The following TACR3 variants were observed in gnomAD, a reference collection of about 807,000 sequenced individuals.
TACR3 encodes tachykinin receptor 3.
TACR3 carries 34 observed loss-of-function variants against 35.0 expected under a neutral mutation model. The observed-to-expected ratio is 0.97, with a 90% confidence interval of 0.74 to 1.30. TACR3 has a LOEUF of 1.30. Among genes scored for constraint, TACR3 ranks in the 50% most tolerant of loss-of-function variants. The pLI is 0.00. For synonymous variants in TACR3, 233 were observed against 221.1 expected (o/e 1.05, Z -0.48); for missense variants, 558 against 591.7 (o/e 0.94, Z 0.59).
chr4:103,609,280 A>T (rs1724461068), intron 3 of TACR3, among the ~76,000 whole-genome samples: 2 of 152,164 alleles, frequency 1.3e-5, no homozygotes, highest in Non-Finnish European at 1.5e-5. Flanking sequence ...ATGTTTTTGT[A>T]GGATGTAATA....
intron 1 of TACR3, among the ~76,000 whole-genome samples, chr4:103,691,920 C>T (rs1014545171): frequency 2.0e-5 from 3 of 152,130 alleles, no homozygotes; most frequent in East Asian, 1.9e-4. Flanking sequence ...TAATGACTGG[C>T]TTGCTGTTAA....
At chr4:103,645,959 G>A (rs946016008) in intron 3 of TACR3, among the ~76,000 whole-genome samples, 7 of 151,992 alleles carry the variant, frequency 4.6e-5, no homozygotes, top group Non-Finnish European at 7.4e-5. Flanking sequence ...CTAGTTAGCT[G>A]TGGGGCCAAG....
At chr4:103,675,439 GA>G (rs1297977604) in intron 1 of TACR3, among the ~76,000 whole-genome samples, 1 of 152,154 alleles carries the variant, frequency 6.6e-6, no homozygotes, top group Non-Finnish European at 1.5e-5. Flanking sequence ...GAGCTCCAAG[GA>G]AAATAGATGA....
intron 4 of TACR3, chr4:103,591,203 G>T: frequency 6.8e-6 from 3 of 440,496 alleles, no homozygotes; most frequent in Non-Finnish European, 1.2e-5. Context: ...TTTTTCTTTG[G>T]CAGGTAAAAT....
chr4:103,683,538 T>G (rs968103897), intron 1 of TACR3, among the ~76,000 whole-genome samples: 1 of 137,842 alleles, frequency 7.3e-6, no homozygotes, highest in Admixed American at 7.2e-5. Flanking sequence ...AAAAAATAAG[T>G]GATACTACTA....
rs13127843 is a variant in TACR3 at position 103,650,017 on chromosome 4, G to A, written c.888+6177C>T. 6.1e-3 allele frequency among the ~76,000 whole-genome samples: 934 copies of A among 152,128 alleles called. 6 individuals carry two copies. Among genetic ancestry groups the A allele is most frequent in the Middle Eastern group, 0.044 (13 of 294 alleles). ...TTTCTAGATATTCAAAAGGACTTGG[G>A]TATTGTGATCTAGGCCACATCTGCA... On this transcript the variant is annotated intron_variant, in intron 3 of 4. Coordinates refer to ENST00000304883, the MANE Select transcript of TACR3 (RefSeq NM_001059.3).
intron 3 of TACR3, among the ~76,000 whole-genome samples, chr4:103,618,503 T>A (rs1461822048): frequency 6.6e-6 from 1 of 151,014 alleles, no homozygotes; most frequent in East Asian, 1.9e-4. Context: ...TAGTTTGAAG[T>A]CGGGTGGTAT....
chr4:103,597,158 T>C (rs9683814), intron 3 of TACR3, among the ~76,000 whole-genome samples: 1 of 138,572 alleles, frequency 7.2e-6, no homozygotes, highest in South Asian at 2.3e-4. Flanking sequence ...CTAGTTCTAG[T>C]TCCCTGAGGA....
intron 1 of TACR3, among the ~76,000 whole-genome samples, chr4:103,690,483 C>T (rs757002164): frequency 2.0e-5 from 3 of 151,942 alleles, no homozygotes; most frequent in East Asian, 1.9e-4. Flanking sequence ...CTTCAATATA[C>T]GTCAATATGC....
intron 3 of TACR3, among the ~76,000 whole-genome samples, chr4:103,654,591 A>G (rs964144272): frequency 1.6e-4 from 24 of 150,284 alleles, no homozygotes; most frequent in African/African-American, 5.6e-4. Context: ...GATATACCTA[A>G]TGCTAAATGA....
Position 103,719,572 on chromosome 4 carries a change from C to G in TACR3, c.104G>C (p.Gly35Ala), listed in dbSNP as rs747807151. ...TTGCAGCCACCCAGTCTCAACTGCC[C>G]CCGTGGCCGCCCCGGCAGCTAGCGA... ...TASLAAGAAT[G>A]AVETGWLQLL... Residue 35 changes from glycine to alanine, a missense_variant, in exon 1 of 5, where the codon GGG becomes GCG. Physicochemically the swap from Gly to Ala is moderately conservative, Grantham distance 60. Transcript: ENST00000304883. 1.9e-6 allele frequency: 3 copies of G among 1,609,948 alleles called. No homozygotes were observed. The highest frequency in any genetic ancestry group is 2.5e-6 in the Non-Finnish European group (3 of 1,177,162).
At chr4:103,633,879 C>CT (rs556774559) in intron 3 of TACR3, among the ~76,000 whole-genome samples, 5 of 152,000 alleles carry the variant, frequency 3.3e-5, no homozygotes, top group African/African-American at 9.6e-5. Flanking sequence ...TTAGTTAGTT[C>CT]TTTTTTTAAA....
intron 3 of TACR3, among the ~76,000 whole-genome samples, chr4:103,596,027 T>C (rs530562991): frequency 2.2e-4 from 33 of 151,424 alleles, no homozygotes; most frequent in Middle Eastern, 3.4e-3. Flanking sequence ...TGTGATAGTT[T>C]ACTGAGAATG....
At chr4:103,654,549 G>T (rs1190014856) in intron 3 of TACR3, among the ~76,000 whole-genome samples, 2 of 106,840 alleles carry the variant, frequency 1.9e-5, no homozygotes, top group Non-Finnish European at 3.6e-5. Flanking sequence ...ACTGTTGTGG[G>T]GTGGGGGGAG....
At chr4:103,674,781 A>AC (rs1348335262) in intron 1 of TACR3, among the ~76,000 whole-genome samples, 1 of 152,048 alleles carries the variant, frequency 6.6e-6, no homozygotes, top group East Asian at 1.9e-4. Flanking sequence ...TGATCTCTTG[A>AC]CCTCATGATC....
chr4:103,713,106 C>T (rs1175924655), intron 1 of TACR3, among the ~76,000 whole-genome samples: 1 of 152,034 alleles, frequency 6.6e-6, no homozygotes, highest in Admixed American at 6.6e-5. Flanking sequence ...ACCATTTGAC[C>T]CAGCCATCCC....
intron 1 of TACR3, among the ~76,000 whole-genome samples, chr4:103,661,247 G>T (rs1221480569): frequency 6.6e-6 from 1 of 151,962 alleles, no homozygotes; most frequent in Non-Finnish European, 1.5e-5. Context: ...TTGCATTTTT[G>T]AATCTAAAAG....
At chr4:103,658,782 C>G (rs7681765) in intron 1 of TACR3, among the ~76,000 whole-genome samples, 61,841 of 151,628 alleles carry the variant, frequency 0.41, 14,541 homozygotes, top group African/African-American at 0.66. Flanking sequence ...CATGGACTGG[C>G]AGTGGGTGAG....
chr4:103,623,951 A>T (rs1724837752), intron 3 of TACR3, among the ~76,000 whole-genome samples: 1 of 152,172 alleles, frequency 6.6e-6, no homozygotes, highest in Non-Finnish European at 1.5e-5. Context: ...TTAAAGTAAA[A>T]CACACTACCT....
Sources: gnomAD v4.1 joint callset for allele counts (sites outside exome capture counted in the v4.1 genomes callset) on GRCh38, gnomAD v4.1.1 for gene constraint, MANE v1.5 for transcripts, NCBI Gene and HGNC (gene_info 2026-07-23, HGNC 2026-07-21) for gene names.